Variants in GRM5 observed in about 807,000 individuals in gnomAD.
GRM5 encodes glutamate metabotropic receptor 5.
GRM5 carries 19 observed loss-of-function variants against 83.1 expected under a neutral mutation model. The ratio of observed to expected loss-of-function variants is 0.23; its 90% CI spans 0.16 to 0.34. GRM5 has a LOEUF of 0.34. GRM5 is among the 10% of genes least tolerant of loss of function. The pLI is 1.00. For synonymous variants in GRM5, 675 were observed against 633.6 expected (o/e 1.07, Z -0.98); for missense variants, 1,160 against 1,588.3 (o/e 0.73, Z 4.58).
intron 2 of GRM5, among the ~76,000 whole-genome samples, chr11:89,002,942 A>G (rs1053541429): frequency 1.3e-5 from 2 of 151,874 alleles, no homozygotes; most frequent in African/African-American, 4.8e-5. Context: ...GCTCTAACAC[A>G]TTTTAGGGTT....
chr11:88,566,318 T>TG (rs11427064), intron 8 of GRM5, among the ~76,000 whole-genome samples: 8,170 of 152,224 alleles, frequency 0.054, 698 homozygotes, highest in African/African-American at 0.18. Flanking sequence ...GTTCCTTATA[T>TG]GGGGGAAATC....
intron 3 of GRM5, among the ~76,000 whole-genome samples, chr11:88,695,842 G>A (rs1043163911): frequency 2.4e-4 from 36 of 152,114 alleles, no homozygotes; most frequent in Admixed American, 7.2e-4. Context: ...TAGGTTGTGT[G>A]GAGCATTTAT....
intron 2 of GRM5, among the ~76,000 whole-genome samples, chr11:88,939,647 A>G (rs955924556): frequency 2.1e-4 from 32 of 151,870 alleles, no homozygotes; most frequent in Non-Finnish European, 3.8e-4. Context: ...CTAGATTAGA[A>G]TAATAATTCC....
intron 2 of GRM5, among the ~76,000 whole-genome samples, chr11:88,962,555 A>T (rs575305512): frequency 1.3e-5 from 2 of 152,230 alleles, no homozygotes; most frequent in South Asian, 2.1e-4. Context: ...TATTAATTTA[A>T]TAATTCCTGA....
intron 2 of GRM5, among the ~76,000 whole-genome samples, chr11:88,877,008 T>A (rs1476902366): frequency 6.6e-6 from 1 of 152,088 alleles, no homozygotes; most frequent in Non-Finnish European, 1.5e-5. Context: ...ATTGGAATCT[T>A]AACAAGTTGA....
At position 88,520,236 on chromosome 11, in the gene GRM5, T is replaced by C. The variant is rs573536546; in HGVS notation, c.2726+5073A>G. Among the ~76,000 whole-genome samples, 5 of 152,320 alleles carry C rather than the reference T, an allele frequency of 3.3e-5. No individual in the cohort carries two copies. In the South Asian group the frequency reaches 1.0e-3, roughly 32 times the overall value. On this transcript the variant is annotated intron_variant, in intron 9 of 9. Transcript: ENST00000305447. Reference sequence around the variant, plus strand: ...ATGTTACTAATTCTTCTTCTTCTTATTTTTTAGAATATGTTAGAATATTAA... The same window carrying C: ...ATGTTACTAATTCTTCTTCTTCTTACTTTTTAGAATATGTTAGAATATTAA...
intron 8 of GRM5, among the ~76,000 whole-genome samples, chr11:88,563,075 A>G (rs901551469): frequency 2.6e-5 from 4 of 152,212 alleles, no homozygotes; most frequent in African/African-American, 9.6e-5. Flanking sequence ...TAAGTGTTTG[A>G]AAACAGGCTT....
intron 3 of GRM5, among the ~76,000 whole-genome samples, chr11:88,688,803 G>A (rs1591441598): frequency 6.6e-6 from 1 of 152,082 alleles, no homozygotes; most frequent in African/African-American, 2.4e-5. Flanking sequence ...ATTGTCTTTG[G>A]ATCAGAGAGA....
intron 2 of GRM5, among the ~76,000 whole-genome samples, chr11:88,852,162 G>A (rs1944399151): frequency 6.6e-6 from 1 of 152,078 alleles, no homozygotes; most frequent in Admixed American, 6.6e-5. Flanking sequence ...TGTTAAACAA[G>A]AAAAGACATC....
intron 3 of GRM5, among the ~76,000 whole-genome samples, chr11:88,753,730 G>A (rs565973470): frequency 1.8e-4 from 27 of 151,958 alleles, no homozygotes; most frequent in Admixed American, 1.4e-3. Context: ...CACTGTATTA[G>A]TCCATTTTCA....
intron 3 of GRM5, among the ~76,000 whole-genome samples, chr11:88,764,273 A>T (rs549168137): frequency 6.1e-4 from 92 of 151,746 alleles, no homozygotes; most frequent in Non-Finnish European, 1.0e-3. Context: ...AGACTTCAAC[A>T]CCTCATTCTC....
At chr11:88,793,197 A>G (rs1357562443) in intron 3 of GRM5, among the ~76,000 whole-genome samples, 1 of 152,172 alleles carries the variant, frequency 6.6e-6, no homozygotes, top group Non-Finnish European at 1.5e-5. Context: ...CAGCACTTAA[A>G]TATATAATCT....
chr11:88,862,377 G>T (rs1193796067), intron 2 of GRM5, among the ~76,000 whole-genome samples: 4 of 151,782 alleles, frequency 2.6e-5, no homozygotes, highest in Non-Finnish European at 5.9e-5. Flanking sequence ...ATTTCACTTA[G>T]CAAACTTTAT....
chr11:88,809,220 C>A (rs1478889231), intron 3 of GRM5, among the ~76,000 whole-genome samples: 1 of 151,918 alleles, frequency 6.6e-6, no homozygotes, highest in Non-Finnish European at 1.5e-5. Context: ...AGGGAAATAT[C>A]CAGCTGGAGG....
intron 6 of GRM5, among the ~76,000 whole-genome samples, chr11:88,594,092 C>T (rs1937732162): frequency 6.6e-6 from 1 of 152,016 alleles, no homozygotes; most frequent in Non-Finnish European, 1.5e-5. Flanking sequence ...CCCGCCCGGC[C>T]CTAGAAGTTA....
intron 2 of GRM5, among the ~76,000 whole-genome samples, chr11:89,016,291 ATATT>A (rs1940853765): frequency 6.7e-6 from 1 of 150,066 alleles, no homozygotes; most frequent in South Asian, 2.1e-4. Context: ...TTCATCTTTC[ATATT>A]TATTATATAT....
chr11:89,003,797 G>C (rs1940451747), intron 2 of GRM5, among the ~76,000 whole-genome samples: 1 of 152,296 alleles, frequency 6.6e-6, no homozygotes, highest in Non-Finnish European at 1.5e-5. Flanking sequence ...AGTAAAGCCA[G>C]TCAGTAGTGT....
chr11:88,719,315 G>GTGTT (rs1258786070), intron 3 of GRM5, among the ~76,000 whole-genome samples: 3 of 152,018 alleles, frequency 2.0e-5, no homozygotes, highest in African/African-American at 7.2e-5. Flanking sequence ...AGAACATGCA[G>GTGTT]TGTTTGGTTT....
intron 2 of GRM5, among the ~76,000 whole-genome samples, chr11:88,941,437 T>G (rs1278621590): frequency 2.1e-4 from 26 of 124,502 alleles, no homozygotes; most frequent in Admixed American, 5.3e-4. Flanking sequence ...GAGACGAGAA[T>G]AGGGGAGAAG....
Sources: gnomAD v4.1 joint callset for allele counts (sites outside exome capture counted in the v4.1 genomes callset) on GRCh38, gnomAD v4.1.1 for gene constraint, MANE v1.5 for transcripts, NCBI Gene and HGNC (gene_info 2026-07-23, HGNC 2026-07-21) for gene names.